The following MYOM3 variants were observed in gnomAD, a reference collection of about 807,000 sequenced individuals.
MYOM3 encodes the protein myomesin 3.
A neutral mutation model predicts 191.7 loss-of-function variants in MYOM3; 155 were observed. The ratio of observed to expected loss-of-function variants is 0.81; its 90% confidence interval spans 0.71 to 0.92. The LOEUF is 0.92. MYOM3 is among the 40% of genes least tolerant of loss of function. MYOM3 has a pLI of 0.00. For missense variants in MYOM3, 1,889 were observed against 1,890.6 expected, an observed-to-expected ratio of 1.00 and a Z score of 0.02; for synonymous variants, 757 against 762.9, an observed-to-expected ratio of 0.99 and a Z score of 0.13.
intron 5 of MYOM3, among the ~76,000 whole-genome samples, chr1:24,104,518 C>G (rs914930812): frequency 6.6e-6 from 1 of 152,112 alleles, no homozygotes; most frequent in Non-Finnish European, 1.5e-5. Flanking sequence ...TTCTGTCACC[C>G]AGGCTGAAGT....
chr1:24,080,321 G>T, intron 19 of MYOM3, 127 bp from the exon 20 acceptor site: 1 of 737,984 alleles, frequency 1.4e-6, no homozygotes. Context: ...AGCCAGGAAG[G>T]GCCTGTTCTG....
chr1:24,103,879 A>T (rs533050547), intron 5 of MYOM3, among the ~76,000 whole-genome samples: 2 of 144,312 alleles, frequency 1.4e-5, no homozygotes, highest in East Asian at 4.1e-4. Flanking sequence ...AGTCCTTTGG[A>T]TGTTAATCCG....
intron 8 of MYOM3, 47 bp from the exon 9 acceptor site, chr1:24,095,037 C>T (rs755928037): frequency 1.3e-6 from 2 of 1,591,310 alleles, no homozygotes; most frequent in Non-Finnish European, 1.7e-6. Context: ...AGGCAGCCAG[C>T]CTGGCCTGGG....
intron 16 of MYOM3, 177 bp downstream of exon 16, chr1:24,084,291 C>T (rs781143517): frequency 4.2e-5 from 27 of 640,160 alleles, no homozygotes; most frequent in Non-Finnish European, 7.3e-5. Flanking sequence ...TGCTTCCTTC[C>T]CCCTCGCCTT....
chr1:24,108,234 G>T, intron 2 of MYOM3, 161 bp from the exon 3 acceptor site: 1 of 719,924 alleles, frequency 1.4e-6, no homozygotes, highest in Non-Finnish European at 2.2e-6. Flanking sequence ...GCATCCCCCC[G>T]ACCCTGAATG....
In MYOM3 at chr1:24,061,112, A is replaced by C. The variant is rs779028268; in HGVS notation, c.3972-30T>G. ...AAAACAGAAATGGGAACAAGGTGTG[A>C]CATTCCACTTGCTAAAGGACAGTCC... On this transcript the variant is annotated intron_variant, in intron 34 of 36. Transcript: ENST00000374434. The C allele has an allele frequency of 3.7e-6, 6 of 1,614,004 alleles. No homozygotes were observed. The African/African-American group carries it at 8.0e-5, about 22-fold the overall frequency.
Position 24,071,113 on chromosome 1 carries a change from T to C in MYOM3, c.3150+4A>G. On this transcript the variant is annotated splice_donor_region_variant and intron_variant, in intron 25 of 36. Transcript: ENST00000374434. ...CACTTCAGGGATTGTGAGCACCCAA[T>C]TACCGGCGAGCTGAAGATCTCCTTG... is the stretch of plus-strand genomic sequence containing the variant. 4.3e-6 allele frequency: 7 copies of C among 1,613,554 alleles called. No individual in the cohort carries two copies. The highest frequency in any genetic ancestry group is 1.1e-5 in the South Asian group (1 of 91,028).
In MYOM3 at chr1:24,074,238, C is replaced by T. The variant is rs377358409; in HGVS notation, c.2890G>A (p.Glu964Lys). Residue 964 changes from glutamate to lysine, a missense_variant, in exon 23 of 37, where the codon GAG becomes AAG. Glu to Lys is a moderately conservative substitution (Grantham distance 56). Coordinates refer to ENST00000374434, the MANE Select transcript of MYOM3 (RefSeq NM_152372.4). ...ATGACTGAGTAGGTGCCCAAATCCTCGAGGCCGGGTTCTTTCAGGATGACC... is the reference window on the plus strand; with the variant it reads ...ATGACTGAGTAGGTGCCCAAATCCTTGAGGCCGGGTTCTTTCAGGATGACC... ...SKVILKEPGL[E>K]DLGTYSVIVT... 9.9e-6 allele frequency: 16 copies of T among 1,613,990 alleles called. No homozygotes were observed. Among genetic ancestry groups the T allele is most frequent in the South Asian group, 5.5e-5 (5 of 91,080 alleles).
chr1:24,101,397 G>C (rs996852931), intron 5 of MYOM3, among the ~76,000 whole-genome samples: 3 of 150,984 alleles, frequency 2.0e-5, no homozygotes, highest in Non-Finnish European at 4.4e-5. Context: ...TCAGAATTTC[G>C]GGGGGGTTAG....
chr1:24,073,539 A>G (rs1233700315), intron 23 of MYOM3, among the ~76,000 whole-genome samples: 1 of 152,174 alleles, frequency 6.6e-6, no homozygotes, highest in South Asian at 2.1e-4. Context: ...GAAGGAAACA[A>G]AAATAATTCT....
rs1489647715 is a variant in MYOM3, at chr1:24,071,906, C to T, written c.3013+63G>A. ...GTCCTTGGCCTGACTCTGCTCTGCT[C>T]AGAACATGCCAATGGGCCCAGTGGG... On this transcript the variant is annotated intron_variant, in intron 24 of 36. Transcript: ENST00000374434. The T allele has an allele frequency of 5.2e-6, 8 of 1,547,260 alleles. No individual in the cohort carries two copies. In the East Asian group the frequency reaches 1.6e-4, roughly 30 times the overall value.
At chr1:24,070,802 A>G (rs1261459491) in intron 25 of MYOM3, among the ~76,000 whole-genome samples, 1 of 152,166 alleles carries the variant, frequency 6.6e-6, no homozygotes, top group African/African-American at 2.4e-5. Flanking sequence ...TATAGGCATG[A>G]ACGCAGGTTT....
chr1:24,086,791 A>G lies in MYOM3; in HGVS notation c.1651T>C (p.Ser551Pro), dbSNP rs1458750184. ...IGSGTWEAIS[S>P]ESPVRSPRFA... ...CTCGGGGATCTCACAGGGCTTTCCG[A>G]GCTGATGGCCTCCCAGGTGCCACTA... The change falls in exon 15 of 37, where the codon TCG (serine) becomes CCG (proline). Residue 551 changes from serine (S) to proline (P), a missense_variant. Transcript: ENST00000374434. 2.2e-5 allele frequency: 35 copies of G among 1,614,022 alleles called. No individual in the cohort carries two copies. Among genetic ancestry groups the G allele is most frequent in the Non-Finnish European group, 3.0e-5 (35 of 1,180,018 alleles).
rs755413546 is a variant in MYOM3, at chr1:24,080,079, C to T, written c.2523G>A (p.Gln841=). 7.4e-6 allele frequency: 12 copies of T among 1,614,046 alleles called. No individual in the cohort carries two copies. In the African/African-American group the frequency reaches 1.6e-4, roughly 22 times the overall value. The change falls in exon 20 of 37, where the codon CAG becomes CAA. Residue 841 remains glutamine, a synonymous_variant. Coordinates refer to ENST00000374434, the MANE Select transcript of MYOM3 (RefSeq NM_152372.4). ...GCTTCCACTGCTCAGAGCCTTCCTC[C>T]TGGAAACTGACGTGATAGCCTGTGA... is the stretch of plus-strand genomic sequence containing the variant. ...GPVTGYHVSF[Q]EEGSEQWKPV...
At position 24,107,996 on chromosome 1, in the gene MYOM3, G is replaced by A. The variant is rs538133949; in HGVS notation, c.239C>T (p.Ser80Phe). ...ALALTASSELSWEAQLRRQTS... is the reference protein window; with the variant it reads ...ALALTASSELFWEAQLRRQTS... The stretch of plus-strand genomic sequence containing the variant: ...CTGGGAAGCTTCTCTGACTCACCAA[G>A]ACAGCTCGGAGGAGGCCGTCAGAGC... The change falls in exon 3 of 37, where the codon TCT becomes TTT. Residue 80 changes from serine to phenylalanine, a missense_variant. Coordinates refer to ENST00000374434, the MANE Select transcript of MYOM3 (RefSeq NM_152372.4). 96 of 1,613,452 alleles carry A rather than the reference G, an allele frequency of 5.9e-5. No individual in the cohort carries two copies. In the South Asian group the frequency reaches 1.0e-3, roughly 17 times the overall value.
At chr1:24,061,166 G>T (rs1643365203) in intron 34 of MYOM3, 84 bp from the exon 35 acceptor site, 2 of 1,607,276 alleles carry the variant, frequency 1.2e-6, no homozygotes, top group Non-Finnish European at 1.7e-6. Flanking sequence ...GGGTGATGAA[G>T]GAAAGGTGGA....
intron 18 of MYOM3, 112 bp from the exon 19 acceptor site, chr1:24,081,568 A>G (rs529242228): frequency 1.5e-6 from 2 of 1,295,312 alleles, no homozygotes; most frequent in Admixed American, 2.5e-5. Flanking sequence ...CTTTGCTTTT[A>G]TTTTTATTTT....
chr1:24,089,224 C>T (rs1218072090), intron 14 of MYOM3, among the ~76,000 whole-genome samples: 1 of 152,194 alleles, frequency 6.6e-6, no homozygotes, highest in Non-Finnish European at 1.5e-5. Flanking sequence ...TGGTCTGATG[C>T]CATCTGGCTT....
rs780726886 is a variant in MYOM3 at position 24,063,125 on chromosome 1, C to T, written c.3770+1G>A. On this transcript the variant is annotated splice_donor_variant, in intron 32 of 36. Coordinates refer to ENST00000374434, the MANE Select transcript of MYOM3 (RefSeq NM_152372.4). LOFTEE classifies it high-confidence loss of function. This position sits in a 1 kb window ranked among gnomAD's most constrained non-coding sequence, Gnocchi z 4.5. ...GGGGTTCTGGGGCAAGGCGGACTTACTTGTGGAACCAGGTGGTTTTCATGT... is the reference window on the plus strand; with the variant it reads ...GGGGTTCTGGGGCAAGGCGGACTTATTTGTGGAACCAGGTGGTTTTCATGT... 1 of 1,602,862 alleles carries T rather than the reference C, an allele frequency of 6.2e-7. No individual in the cohort carries two copies. Among genetic ancestry groups the T allele is most frequent in the Non-Finnish European group, 8.5e-7 (1 of 1,170,352 alleles).
Sources: gnomAD v4.1 joint callset for allele counts (sites outside exome capture counted in the v4.1 genomes callset) on GRCh38, gnomAD v4.1.1 for gene constraint, Gnocchi (gnomAD v3.1) non-coding constraint, MANE v1.5 for transcripts, NCBI Gene and HGNC (gene_info 2026-07-23, HGNC 2026-07-21) for gene names.